The following PRSS23 variants were observed in gnomAD, a reference collection of about 807,000 sequenced individuals.
PRSS23 encodes the protein serine protease 23.
In PRSS23, 25 loss-of-function variants were observed where a neutral mutation model predicts 34.7. The observed-to-expected ratio is 0.72, with a 90% CI of 0.53 to 1.01. PRSS23 has a LOEUF of 1.01. Among genes scored for constraint, PRSS23 ranks in the 50% least tolerant of loss-of-function variants. The probability of loss-of-function intolerance (pLI) is 0.00; values close to 1 mark genes in which losing one functional copy is unlikely to be tolerated. For missense variants in PRSS23, 445 were observed against 475.6 expected (o/e 0.94, Z 0.60); for synonymous variants, 176 against 186.6 (o/e 0.94, Z 0.46).
At chr11:86,795,414 G>A (rs1212583912) in intron 1 of PRSS23, among the ~76,000 whole-genome samples, 2 of 152,152 alleles carry the variant, frequency 1.3e-5, no homozygotes, top group Non-Finnish European at 2.9e-5. Context: ...TTCACCCAAC[G>A]AATAAATGAA....
chr11:86,859,128 A>T lies in PRSS23; in HGVS notation c.206+35535A>T, dbSNP rs532112200. Among the ~76,000 whole-genome samples, 11 of 152,036 alleles carry T rather than the reference A, an allele frequency of 7.2e-5. No homozygotes were observed. In the East Asian group the frequency reaches 2.1e-3, roughly 29 times the overall value. ...TATTGTTCCTAATATCCAAGGGGGA[A>T]GAGGATGATATTGCTCCCTATATCA... On this transcript the variant is annotated intron_variant, in intron 2 of 2. Coordinates refer to the PRSS23 transcript ENST00000533902.
intron 2 of PRSS23, chr11:86,937,684 G>A (rs1387737398): frequency 1.3e-5 from 2 of 152,202 alleles, no homozygotes; most frequent in East Asian, 1.9e-4. Context: ...TCTAAAAGGG[G>A]AGGCATGAAT....
intron 2 of PRSS23, among the ~76,000 whole-genome samples, chr11:86,879,757 G>C (rs376616229): frequency 1.1e-5 from 1 of 94,454 alleles, no homozygotes. Flanking sequence ...CAGCCGCCCC[G>C]TCCGGGAGGG....
chr11:86,796,067 A>T (rs1947978507), upstream of PRSS23, among the ~76,000 whole-genome samples: 2 of 152,202 alleles, frequency 1.3e-5, no homozygotes, highest in African/African-American at 4.8e-5. Context: ...GTGAGTTATT[A>T]CATAACTGGA....
At chr11:86,856,092 A>G (rs972843540) in intron 2 of PRSS23, among the ~76,000 whole-genome samples, 2 of 152,218 alleles carry the variant, frequency 1.3e-5, no homozygotes, top group African/African-American at 4.8e-5. Flanking sequence ...ATGTATGTAC[A>G]AGTGTGAGAT....
rs1948254366 is a variant in PRSS23, at chr11:86,821,813, C to A, written c.-11-1564C>A. ...CAGCACGCTGCCCCCTCCGCCATGA[C>A]CATAGTGTCAGCGTCTGGGCCTATT... On this transcript the variant is annotated intron_variant, in intron 1 of 2. Coordinates refer to the PRSS23 transcript ENST00000533902. 4 of 728,808 alleles carry A rather than the reference C, an allele frequency of 5.5e-6. No homozygotes were observed. The Admixed American group carries it at 1.1e-4, about 20-fold the overall frequency. 45.1% of individuals were successfully genotyped at this position (728,808 alleles called of 1,614,324 possible).
At chr11:86,915,553 T>C (rs936665349) in intron 2 of PRSS23, among the ~76,000 whole-genome samples, 1 of 148,202 alleles carries the variant, frequency 6.7e-6, no homozygotes, top group Non-Finnish European at 1.5e-5. Flanking sequence ...ATATTATATA[T>C]ATAAAACTAA....
At chr11:86,894,843 C>A (rs1241631282) in intron 2 of PRSS23, among the ~76,000 whole-genome samples, 1 of 152,174 alleles carries the variant, frequency 6.6e-6, no homozygotes, top group East Asian at 1.9e-4. Context: ...TATGTCTTAT[C>A]TCTTCTGTAG....
intron 2 of PRSS23, among the ~76,000 whole-genome samples, chr11:86,838,006 G>C (rs532430302): frequency 1.3e-5 from 2 of 152,136 alleles, no homozygotes; most frequent in Non-Finnish European, 2.9e-5. Context: ...AGTGCAAGGG[G>C]TCAGCAGATT....
rs182425973 is a variant in PRSS23, at chr11:86,817,314, A to G, written c.-11-6063A>G. Among the ~76,000 whole-genome samples the G allele has an allele frequency of 2.2e-4, 33 of 152,284 alleles. No homozygotes were observed. In the East Asian group the frequency reaches 3.9e-3, roughly 18 times the overall value. On this transcript the variant is annotated intron_variant, in intron 1 of 2. Transcript: ENST00000533902. Reference sequence around the variant, plus strand: ...AAACTCTTTCTTTTGAAATGTGTCAATCTGTCCAGAGAATTAAGTTAATGA... The same window carrying G: ...AAACTCTTTCTTTTGAAATGTGTCAGTCTGTCCAGAGAATTAAGTTAATGA...
chr11:86,827,239 G>C (rs145256447), intron 2 of PRSS23, among the ~76,000 whole-genome samples: 2,433 of 152,278 alleles, frequency 0.016, 66 homozygotes, highest in African/African-American at 0.055. Context: ...TATGCATCGA[G>C]GAATTTATCC....
At chr11:86,805,439 CA>C (rs1194822753) in intron 1 of PRSS23, among the ~76,000 whole-genome samples, 2 of 152,210 alleles carry the variant, frequency 1.3e-5, no homozygotes, top group African/African-American at 2.4e-5. Flanking sequence ...CAAGCACATA[CA>C]AACACGTGTG....
intron 1 of PRSS23, among the ~76,000 whole-genome samples, chr11:86,801,638 G>A (rs1471612869): frequency 2.0e-5 from 3 of 152,150 alleles, no homozygotes; most frequent in African/African-American, 7.2e-5. Flanking sequence ...GGTCAGCTGT[G>A]GTCAAAAGCC....
intron 2 of PRSS23, chr11:86,949,403 A>G (rs1949270736): frequency 6.8e-6 from 1 of 147,656 alleles, no homozygotes; most frequent in South Asian, 2.2e-4. Flanking sequence ...ACAAAGTGTG[A>G]TTGAAAAAAA....
At chr11:86,832,619 G>A (rs1169431823) in intron 2 of PRSS23, 3 of 493,300 alleles carry the variant, frequency 6.1e-6, no homozygotes, top group Non-Finnish European at 4.0e-6. Flanking sequence ...GGTGATCACC[G>A]TGTACATCAT....
At chr11:86,841,262 C>G (rs1026936270) in intron 2 of PRSS23, among the ~76,000 whole-genome samples, 12 of 148,068 alleles carry the variant, frequency 8.1e-5, no homozygotes, top group African/African-American at 3.0e-4. Flanking sequence ...TCCCTTGAAC[C>G]TGGGAGGTGG....
chr11:86,835,211 C>T lies in PRSS23; in HGVS notation c.206+11618C>T, dbSNP rs145567698. Among the ~76,000 whole-genome samples the T allele has an allele frequency of 7.9e-5, 12 of 152,344 alleles. No individual in the cohort carries two copies. In the East Asian group the frequency reaches 2.3e-3, roughly 29 times the overall value. ...CCTTTAGCAGTGAGTATGCCTTTCA[C>T]ATCATGAGATGTCCACACAGTAAGA... On this transcript the variant is annotated intron_variant, in intron 2 of 2. Coordinates refer to the PRSS23 transcript ENST00000533902.
chr11:86,867,731 G>C (rs1282385386), intron 2 of PRSS23, among the ~76,000 whole-genome samples: 1 of 152,010 alleles, frequency 6.6e-6, no homozygotes, highest in East Asian at 1.9e-4. Flanking sequence ...AATAAAATAA[G>C]TTGAGTGTGC....
rs113590440 is a variant in PRSS23 at position 86,808,471 on chromosome 11, A to G, written c.828A>G (p.Arg276=). The stretch of plus-strand genomic sequence containing the variant: ...CTGCTAAGCAGCTGCCAGGGGGCAG[A>G]ATTCACTTCTCTGGTTATGACAATG... ...SPPAKQLPGG[R]IHFSGYDNDR... Residue 276 remains arginine (R), a synonymous_variant, in exon 2 of 2, where the codon AGA becomes AGG. Coordinates refer to ENST00000280258, the MANE Select transcript of PRSS23 (RefSeq NM_007173.6). 1.2e-6 allele frequency: 2 copies of G among 1,614,258 alleles called. No homozygotes were observed. The highest frequency in any genetic ancestry group is 1.3e-5 in the African/African-American group (1 of 75,074).
Sources: gnomAD v4.1 joint callset for allele counts (sites outside exome capture counted in the v4.1 genomes callset) on GRCh38, gnomAD v4.1.1 for gene constraint, MANE v1.5 for transcripts, NCBI Gene and HGNC (gene_info 2026-07-23, HGNC 2026-07-21) for gene names.